Variants in CAMTA1 observed in about 807,000 individuals in gnomAD.
The protein encoded by CAMTA1 is calmodulin-binding transcription activator 1.
CAMTA1 carries 27 observed loss-of-function variants against 170.9 expected under a neutral mutation model. The observed-to-expected ratio is 0.16, with a 90% confidence interval of 0.12 to 0.22. The LOEUF (loss-of-function observed/expected upper bound fraction) is 0.22. CAMTA1 is among the 10% of genes least tolerant of loss of function. The pLI, the probability that CAMTA1 is intolerant of heterozygous loss-of-function variation, is 1.00. For synonymous variants in CAMTA1, 833 were observed against 891.5 expected (o/e 0.93, Z 1.17); for missense variants, 1,619 against 2,217.2 (o/e 0.73, Z 5.42).
At chr1:7,150,129 G>C (rs573091883) in intron 4 of CAMTA1, among the ~76,000 whole-genome samples, 82 of 152,344 alleles carry the variant, frequency 5.4e-4, no homozygotes, top group Non-Finnish European at 5.7e-4. Context: ...GGCTCTGCGT[G>C]CTGCCCACTG....
chr1:7,044,770 C>G lies in CAMTA1; in HGVS notation c.235-46534C>G, dbSNP rs551979254. Among the ~76,000 whole-genome samples the G allele has an allele frequency of 6.6e-6, 1 of 152,040 alleles. No homozygotes were observed. Among genetic ancestry groups the G allele is most frequent in the South Asian group, 2.1e-4 (1 of 4,788 alleles). On this transcript the variant is annotated intron_variant, in intron 3 of 22. Coordinates refer to ENST00000303635, the MANE Select transcript of CAMTA1 (RefSeq NM_015215.4). This position sits in a 1 kb window ranked among gnomAD's most constrained non-coding sequence, Gnocchi z 5.0. ...CCCTGCGTGCAGTCCTCCTGCCCCC[C>G]TGCCTGGCGCATCTTTCCCCCTCAC...
intron 11 of CAMTA1, among the ~76,000 whole-genome samples, chr1:7,730,049 C>T (rs1056679175): frequency 6.6e-6 from 1 of 152,196 alleles, no homozygotes; most frequent in African/African-American, 2.4e-5. Context: ...CAGACATTGA[C>T]TTCATTTGTC....
At chr1:6,893,019 G>A (rs904643990) in intron 3 of CAMTA1, among the ~76,000 whole-genome samples, 6 of 151,638 alleles carry the variant, frequency 4.0e-5, no homozygotes, top group Admixed American at 6.6e-5. Flanking sequence ...GGTGGCTCAC[G>A]CCTGTAATCC....
At chr1:6,896,073 T>C (rs1168249933) in intron 3 of CAMTA1, among the ~76,000 whole-genome samples, 1 of 152,172 alleles carries the variant, frequency 6.6e-6, no homozygotes, top group Non-Finnish European at 1.5e-5. Flanking sequence ...AGCTCCCACT[T>C]GGTGGAACTA....
chr1:6,950,069 T>C (rs1289219129), intron 3 of CAMTA1, among the ~76,000 whole-genome samples: 1 of 152,220 alleles, frequency 6.6e-6, no homozygotes, highest in Non-Finnish European at 1.5e-5. Context: ...TCTGTGGGCC[T>C]TTCTCTCTGC....
intron 3 of CAMTA1, among the ~76,000 whole-genome samples, chr1:6,883,915 G>A (rs1672359110): frequency 6.6e-6 from 1 of 152,126 alleles, no homozygotes; most frequent in Non-Finnish European, 1.5e-5. Context: ...ACATGACCAT[G>A]TAGTAAGTAT....
At chr1:7,149,510 T>A (rs1054289872) in intron 4 of CAMTA1, among the ~76,000 whole-genome samples, 4 of 152,228 alleles carry the variant, frequency 2.6e-5, no homozygotes, top group Admixed American at 6.5e-5. Flanking sequence ...GTAACGGCCG[T>A]GTGGCCGCGG....
intron 5 of CAMTA1, among the ~76,000 whole-genome samples, chr1:7,346,162 C>A (rs1429243006): frequency 6.6e-6 from 1 of 152,074 alleles, no homozygotes; most frequent in African/African-American, 2.4e-5. Flanking sequence ...CTTACCAAGG[C>A]CTACAGCATA....
chr1:7,481,155 C>T (rs557859471), intron 6 of CAMTA1, among the ~76,000 whole-genome samples: 1 of 152,324 alleles, frequency 6.6e-6, no homozygotes, highest in East Asian at 1.9e-4. Flanking sequence ...GGAGTCCCTC[C>T]TTCTTAGCCT....
intron 3 of CAMTA1, among the ~76,000 whole-genome samples, chr1:7,054,875 G>A (rs1166735940): frequency 6.6e-6 from 1 of 152,200 alleles, no homozygotes; most frequent in Non-Finnish European, 1.5e-5. Context: ...AGGCTGGACA[G>A]GAAGCATAGT....
In CAMTA1 at chr1:7,044,028, T is replaced by G. The variant is rs887387950; in HGVS notation, c.235-47276T>G. ...GGGGAGGGTGACTGTATTACCTGGA[T>G]CCTCCAGAGGGCCATTAGGGCTGCC... is the stretch of plus-strand genomic sequence containing the variant. On this transcript the variant is annotated intron_variant, in intron 3 of 22. Coordinates refer to ENST00000303635, the MANE Select transcript of CAMTA1 (RefSeq NM_015215.4). This position sits in a 1 kb window ranked among gnomAD's most constrained non-coding sequence, Gnocchi z 5.0. Among the ~76,000 whole-genome samples, 4 of 152,138 alleles carry G rather than the reference T, an allele frequency of 2.6e-5. No homozygotes were observed. The highest frequency in any genetic ancestry group is 5.9e-5 in the Non-Finnish European group (4 of 68,014).
At chr1:6,840,094 G>C (rs1655051550) in intron 3 of CAMTA1, among the ~76,000 whole-genome samples, 1 of 152,198 alleles carries the variant, frequency 6.6e-6, no homozygotes, top group South Asian at 2.1e-4. Context: ...CAGCTACTCG[G>C]AGGCTGAGGC....
At chr1:7,258,857 G>A (rs1316069018) in intron 5 of CAMTA1, among the ~76,000 whole-genome samples, 1 of 152,166 alleles carries the variant, frequency 6.6e-6, no homozygotes, top group African/African-American at 2.4e-5. Context: ...GATAGTCGCG[G>A]CCATTCACTT....
rs543936420 is a variant in CAMTA1 at position 7,456,894 on chromosome 1, C to T, written c.439-10936C>T. Among the ~76,000 whole-genome samples the T allele has an allele frequency of 3.9e-5, 6 of 152,316 alleles. No individual in the cohort carries two copies. Among genetic ancestry groups the T allele is most frequent in the Non-Finnish European group, 7.4e-5 (5 of 68,024 alleles). ...CCTAAGCAGCAGGCGCTAGAGCTGA[C>T]GAGAACAGCCCATGTGGAGCGTGCA... On this transcript the variant is annotated intron_variant, in intron 5 of 22. Transcript: ENST00000303635. The surrounding 1 kb of genome is among the most constrained non-coding windows in gnomAD (Gnocchi z 4.9).
chr1:7,101,263 G>T (rs1024259476), intron 4 of CAMTA1, among the ~76,000 whole-genome samples: 2 of 152,162 alleles, frequency 1.3e-5, no homozygotes, highest in African/African-American at 4.8e-5. Flanking sequence ...GTTTCCTCTG[G>T]ATCAATTCTG....
intron 3 of CAMTA1, among the ~76,000 whole-genome samples, chr1:7,052,548 C>T (rs544221378): frequency 4.6e-5 from 7 of 152,284 alleles, no homozygotes; most frequent in South Asian, 2.1e-4. Flanking sequence ...ACACCCTCCC[C>T]GACTCAGCTC....
chr1:7,041,011 G>T lies in CAMTA1; in HGVS notation c.235-50293G>T, dbSNP rs1704364531. Among the ~76,000 whole-genome samples, 1 of 151,982 alleles carries T rather than the reference G, an allele frequency of 6.6e-6. No individual in the cohort carries two copies. The highest frequency in any genetic ancestry group is 1.5e-5 in the Non-Finnish European group (1 of 67,862). On this transcript the variant is annotated intron_variant, in intron 3 of 22. Transcript: ENST00000303635. The surrounding 1 kb of genome is among the most constrained non-coding windows in gnomAD (Gnocchi z 5.1). ...TGCTGGGATTACAGGCATGAGCCAT[G>T]GTGCCTGGCCCTCCCTCTGTTTTTT...
At chr1:7,531,739 G>C (rs1459918058) in intron 6 of CAMTA1, among the ~76,000 whole-genome samples, 1 of 152,216 alleles carries the variant, frequency 6.6e-6, no homozygotes, top group East Asian at 1.9e-4. Flanking sequence ...GAAGCGCAGA[G>C]CTTCTGAGAA....
chr1:7,604,347 T>C (rs1218035876), intron 6 of CAMTA1, among the ~76,000 whole-genome samples: 2 of 152,250 alleles, frequency 1.3e-5, no homozygotes, highest in Non-Finnish European at 2.9e-5. Flanking sequence ...TCTTTTCACA[T>C]AGTCCCATGT....
Sources: gnomAD v4.1 joint callset for allele counts (sites outside exome capture counted in the v4.1 genomes callset) on GRCh38, gnomAD v4.1.1 for gene constraint, Gnocchi (gnomAD v3.1) non-coding constraint, MANE v1.5 for transcripts, NCBI Gene and HGNC (gene_info 2026-07-23, HGNC 2026-07-21) for gene names.